Variants in KCNQ1 observed in about 807,000 individuals in gnomAD.
KCNQ1 encodes potassium voltage-gated channel subfamily KQT member 1.
In KCNQ1, 49 loss-of-function variants were observed where a neutral mutation model predicts 72.4. The observed-to-expected ratio is 0.68, with a 90% confidence interval of 0.54 to 0.86. The LOEUF (loss-of-function observed/expected upper bound fraction) is 0.86, where lower values mean the gene tolerates loss of function less well. Among genes scored for constraint, KCNQ1 ranks in the 40% least tolerant of loss-of-function variants. The probability of loss-of-function intolerance (pLI) is 0.00; values close to 1 mark genes in which losing one functional copy is unlikely to be tolerated. For missense variants in KCNQ1, 790 were observed against 945.1 expected (o/e 0.84, Z 2.15); for synonymous variants, 450 against 412.6 (o/e 1.09, Z -1.10).
rs1192227504 is a variant in KCNQ1 at position 2,450,795 on chromosome 11, G to C, written c.386+5311G>C. On this transcript the variant is annotated intron_variant, in intron 1 of 15. Coordinates refer to ENST00000155840, the MANE Select transcript of KCNQ1 (RefSeq NM_000218.3). This position sits in a 1 kb window ranked among gnomAD's most constrained non-coding sequence, Gnocchi z 7.9. ...GGCTGGGTGACCACAGGGATGCCGC[G>C]TGACCCTAGTCCAGGGGGCCGCTTT... Among the ~76,000 whole-genome samples, 1 of 152,160 alleles carries C rather than the reference G, an allele frequency of 6.6e-6. No individual in the cohort carries two copies. The highest frequency in any genetic ancestry group is 2.1e-4 in the South Asian group (1 of 4,824).
rs529689717 is a variant in KCNQ1 at position 2,731,141 on chromosome 11, T to C, written c.1515-37703T>C. ...ACCTCTGTTCACGGCAGGGGCTGCG[T>C]TGCCCAGCCTGGCAGAGGGAGGCAG... is the stretch of plus-strand genomic sequence containing the variant. On this transcript the variant is annotated intron_variant, in intron 11 of 15. Coordinates refer to ENST00000155840, the MANE Select transcript of KCNQ1 (RefSeq NM_000218.3). Among the ~76,000 whole-genome samples the C allele has an allele frequency of 2.6e-4, 39 of 152,296 alleles. 1 individual carries two copies. In the South Asian group the frequency reaches 7.9e-3, roughly 31 times the overall value.
intron 2 of KCNQ1, among the ~76,000 whole-genome samples, chr11:2,548,950 C>G (rs1467331012): frequency 6.6e-6 from 1 of 152,206 alleles, no homozygotes; most frequent in Non-Finnish European, 1.5e-5. Context: ...ACTGCCCCAG[C>G]CCTCCTGAGC....
chr11:2,498,100 G>A lies in KCNQ1; in HGVS notation c.387-29828G>A, dbSNP rs1846951215. Among the ~76,000 whole-genome samples the A allele has an allele frequency of 6.6e-6, 1 of 152,208 alleles. No individual in the cohort carries two copies. Among genetic ancestry groups the A allele is most frequent in the Non-Finnish European group, 1.5e-5 (1 of 68,034 alleles). On this transcript the variant is annotated intron_variant, in intron 1 of 15. Transcript: ENST00000155840. The surrounding 1 kb of genome is among the most constrained non-coding windows in gnomAD (Gnocchi z 4.8). ...CAACCAGAGCTCTCCTGTTTGAGGT[G>A]TCTGTTGACCCCTGTTGGGAGGTCT... is the stretch of plus-strand genomic sequence containing the variant.
At chr11:2,760,992 G>T (rs1207725826) in intron 11 of KCNQ1, among the ~76,000 whole-genome samples, 1 of 152,238 alleles carries the variant, frequency 6.6e-6, no homozygotes, top group African/African-American at 2.4e-5. Context: ...AGTCAGCTCA[G>T]TTAGACCCCC....
intron 15 of KCNQ1, among the ~76,000 whole-genome samples, chr11:2,778,801 G>A (rs1846763892): frequency 6.6e-6 from 1 of 152,228 alleles, no homozygotes; most frequent in Non-Finnish European, 1.5e-5. Flanking sequence ...GTTGGGCAGG[G>A]AGTGCGTCTG....
At chr11:2,727,438 A>G (rs936408569) in intron 11 of KCNQ1, among the ~76,000 whole-genome samples, 2 of 152,200 alleles carry the variant, frequency 1.3e-5, no homozygotes, top group African/African-American at 4.8e-5. Flanking sequence ...GGCCTTGTGC[A>G]GGAACATGGG....
chr11:2,612,410 A>G lies in KCNQ1; in HGVS notation c.1393+23556A>G, dbSNP rs947264399. ...GGGGACCACTATATTATGGTATCCAATGGGTATCTCTTCATTTTTCTTCAT... is the reference window on the plus strand; with the variant it reads ...GGGGACCACTATATTATGGTATCCAGTGGGTATCTCTTCATTTTTCTTCAT... On this transcript the variant is annotated intron_variant, in intron 10 of 15. Transcript: ENST00000155840. The surrounding 1 kb of genome is among the most constrained non-coding windows in gnomAD (Gnocchi z 5.5). The G allele has an allele frequency of 5.0e-6, 2 of 398,474 alleles. No individual in the cohort carries two copies. Among genetic ancestry groups the G allele is most frequent in the East Asian group, 3.6e-5 (1 of 28,088 alleles). 24.7% of individuals were successfully genotyped at this position (398,474 alleles called of 1,614,324 possible). A position where few individuals can be genotyped will look rare whatever the true frequency, so the allele number is the denominator to read the frequency against.
At chr11:2,529,156 T>C (rs1847566344) in intron 2 of KCNQ1, among the ~76,000 whole-genome samples, 1 of 152,206 alleles carries the variant, frequency 6.6e-6, no homozygotes, top group African/African-American at 2.4e-5. Context: ...CCGTCTTCTC[T>C]GTAAACCAGA....
At chr11:2,742,766 G>A (rs567475975) in intron 11 of KCNQ1, among the ~76,000 whole-genome samples, 1 of 152,216 alleles carries the variant, frequency 6.6e-6, no homozygotes. Context: ...ATGCGCGGGG[G>A]CCCGCTGTGG....
chr11:2,527,620 G>C (rs1202156559), intron 1 of KCNQ1, among the ~76,000 whole-genome samples: 2 of 152,220 alleles, frequency 1.3e-5, no homozygotes, highest in Non-Finnish European at 2.9e-5. Context: ...TGGCTGTCCA[G>C]GGCGTAGCCA....
chr11:2,453,441 G>A (rs1306120268), intron 1 of KCNQ1, among the ~76,000 whole-genome samples: 1 of 151,962 alleles, frequency 6.6e-6, no homozygotes, highest in South Asian at 2.1e-4. Flanking sequence ...GATGTTTCAC[G>A]AAGGGTTAAT....
chr11:2,683,645 GA>G lies in KCNQ1; in HGVS notation c.1514+21566del, dbSNP rs1850436654. ...AACTGGGCCCTGCATCTGCTGCAAG[GA>G]ACATCCCTTACTTTCCCATCTCAAT... On this transcript the variant is annotated intron_variant, in intron 11 of 15. Transcript: ENST00000155840. The surrounding 1 kb of genome is among the most constrained non-coding windows in gnomAD (Gnocchi z 4.7). 2 of 398,498 alleles carry G rather than the reference GA, an allele frequency of 5.0e-6. No homozygotes were observed. The highest frequency in any genetic ancestry group is 8.8e-6 in the Non-Finnish European group (2 of 226,080). The allele number at this position is 398,498 out of a possible 1,614,324, so 24.7% of individuals were successfully genotyped here.
chr11:2,449,180 T>G (rs961603808), intron 1 of KCNQ1, among the ~76,000 whole-genome samples: 3 of 152,234 alleles, frequency 2.0e-5, no homozygotes, highest in African/African-American at 7.2e-5. Context: ...AGGCTCCTGG[T>G]GCTGGCACCT....
At position 2,764,865 on chromosome 11, in the gene KCNQ1, C is replaced by A. The variant is rs74565893; in HGVS notation, c.1515-3979C>A. Among the ~76,000 whole-genome samples the A allele has an allele frequency of 6.6e-6, 1 of 152,082 alleles. No homozygotes were observed. Among genetic ancestry groups the A allele is most frequent in the Non-Finnish European group, 1.5e-5 (1 of 68,022 alleles). On this transcript the variant is annotated intron_variant, in intron 11 of 15. Coordinates refer to ENST00000155840, the MANE Select transcript of KCNQ1 (RefSeq NM_000218.3). The surrounding 1 kb of genome is among the most constrained non-coding windows in gnomAD (Gnocchi z 4.8). Reference sequence around the variant, plus strand: ...ACATTCCATCTTTAACTCCTGATGGCGGTCATTTGTGTCCCCTCCCCCATC... The same window carrying A: ...ACATTCCATCTTTAACTCCTGATGGAGGTCATTTGTGTCCCCTCCCCCATC...
intron 1 of KCNQ1, among the ~76,000 whole-genome samples, chr11:2,512,928 G>C (rs773009041): frequency 6.6e-6 from 1 of 152,220 alleles, no homozygotes; most frequent in Non-Finnish European, 1.5e-5. Context: ...TTGGGGAGCA[G>C]ATGATGGGGC....
At chr11:2,839,192 C>A (rs1232696231) in intron 15 of KCNQ1, among the ~76,000 whole-genome samples, 1 of 152,152 alleles carries the variant, frequency 6.6e-6, no homozygotes, top group Non-Finnish European at 1.5e-5. Context: ...ACCTGCCTGG[C>A]AGTGAGGCAG....
chr11:2,583,144 G>T (rs1848528882), intron 6 of KCNQ1, among the ~76,000 whole-genome samples: 2 of 152,150 alleles, frequency 1.3e-5, no homozygotes. Flanking sequence ...CCGGTGTGGG[G>T]CGAGCTCCCA....
chr11:2,794,181 G>A (rs370973586), intron 15 of KCNQ1, among the ~76,000 whole-genome samples: 8 of 152,222 alleles, frequency 5.3e-5, no homozygotes, highest in African/African-American at 1.9e-4. Flanking sequence ...GGCTGCTGTG[G>A]GATGAGGGAG....
At chr11:2,496,111 A>C (rs1394053033) in intron 1 of KCNQ1, among the ~76,000 whole-genome samples, 1 of 151,764 alleles carries the variant, frequency 6.6e-6, no homozygotes, top group Non-Finnish European at 1.5e-5. Flanking sequence ...GTCTTTTTTT[A>C]TCTTTCTTAG....
Sources: allele counts gnomAD v4.1 joint callset (sites outside exome capture counted in the v4.1 genomes callset), GRCh38; gene constraint gnomAD v4.1.1; non-coding constraint Gnocchi (gnomAD v3.1); transcripts MANE v1.5; gene names NCBI Gene and HGNC (gene_info 2026-07-23, HGNC 2026-07-21).